The following VAMP7 variants were observed in gnomAD, a reference collection of about 807,000 sequenced individuals.
The protein encoded by VAMP7 is vesicle associated membrane protein 7.
In VAMP7, 14 loss-of-function variants were observed where a neutral mutation model predicts 29.6. The ratio of observed to expected loss-of-function variants is 0.47; its 90% CI spans 0.31 to 0.74. VAMP7 has a LOEUF of 0.74. Ranked by LOEUF, VAMP7 falls within the 30% of genes least tolerant of loss-of-function variation. VAMP7 has a pLI of 0.05. For missense variants in VAMP7, 223 were observed against 262.4 expected (o/e 0.85, Z 1.04); for synonymous variants, 95 against 88.1 (o/e 1.08, Z -0.44).
At chrX:155,921,255 C>G (rs2066392575) in intron 6 of VAMP7, among the ~76,000 whole-genome samples, 1 of 152,140 alleles carries the variant, frequency 6.6e-6, no homozygotes, top group African/African-American at 2.4e-5. Context: ...GGTAGAATAA[C>G]ATACGTGCAG....
chrX:155,900,153 TTC>T (rs956135430), intron 4 of VAMP7, among the ~76,000 whole-genome samples: 14 of 152,136 alleles, frequency 9.2e-5, no homozygotes, highest in African/African-American at 3.4e-4. Context: ...AACTACAGTC[TTC>T]TTTTTCTCCT....
intron 4 of VAMP7, among the ~76,000 whole-genome samples, chrX:155,899,455 G>C (rs1447624640): frequency 6.6e-6 from 1 of 151,614 alleles, no homozygotes; most frequent in Non-Finnish European, 1.5e-5. Context: ...ATTTTGTTGT[G>C]AGTTTAAAAA....
At chrX:155,903,525 C>A (rs1300487635) in intron 5 of VAMP7, among the ~76,000 whole-genome samples, 1 of 151,922 alleles carries the variant, frequency 6.6e-6, no homozygotes, top group Non-Finnish European at 1.5e-5. Context: ...AACAAACAAC[C>A]CCATCAAAAA....
chrX:155,911,429 G>A (rs1391510848), intron 5 of VAMP7, among the ~76,000 whole-genome samples: 1 of 151,946 alleles, frequency 6.6e-6, no homozygotes, highest in Non-Finnish European at 1.5e-5. Flanking sequence ...TTGGCTATTT[G>A]GACTCTTTTT....
chrX:155,907,263 A>C (rs909909561), intron 5 of VAMP7, among the ~76,000 whole-genome samples: 1 of 151,334 alleles, frequency 6.6e-6, no homozygotes, highest in African/African-American at 2.4e-5. Context: ...ATTTTCTTTT[A>C]TTTATTTATT....
At chrX:155,918,147 C>T (rs1389752926) in intron 5 of VAMP7, among the ~76,000 whole-genome samples, 15 of 152,202 alleles carry the variant, frequency 9.9e-5, no homozygotes, top group East Asian at 1.9e-4. Flanking sequence ...TAATGGCAGA[C>T]GCCCCTCCCT....
chrX:155,916,876 G>T (rs1327192527), intron 5 of VAMP7, among the ~76,000 whole-genome samples: 2 of 152,076 alleles, frequency 1.3e-5, no homozygotes, highest in East Asian at 3.9e-4. Flanking sequence ...GGTGTTCTCT[G>T]TATTTCCCAA....
At chrX:155,909,155 CTA>C (rs1267782518) in intron 5 of VAMP7, among the ~76,000 whole-genome samples, 9 of 152,108 alleles carry the variant, frequency 5.9e-5, no homozygotes. Flanking sequence ...GATTTAGTCT[CTA>C]TGCTTGCTGT....
At chrX:155,885,022 C>G (rs946080787) in intron 1 of VAMP7, among the ~76,000 whole-genome samples, 1 of 152,158 alleles carries the variant, frequency 6.6e-6, no homozygotes, top group Admixed American at 6.5e-5. Flanking sequence ...CTATCCATGA[C>G]ATTTACACTG....
chrX:155,925,724 G>T (rs1419271397), intron 6 of VAMP7, among the ~76,000 whole-genome samples: 1 of 152,200 alleles, frequency 6.6e-6, no homozygotes, highest in Non-Finnish European at 1.5e-5. Context: ...TTGAGTTTCT[G>T]ATGAGCCTCT....
At chrX:155,909,548 C>T (rs2066204688) in intron 5 of VAMP7, among the ~76,000 whole-genome samples, 1 of 152,076 alleles carries the variant, frequency 6.6e-6, no homozygotes, top group Admixed American at 6.6e-5. Context: ...TTTCTAGATC[C>T]ATAAGGTAGA....
chrX:155,895,696 A>T lies in VAMP7; in HGVS notation c.204+16A>T. ...CACTGATGATGTAAGTAACTTGAAG[A>T]CATATTGCTATTTAACTATGTGTAC... On this transcript the variant is annotated intron_variant, in intron 3 of 7. Coordinates refer to ENST00000286448, the MANE Select transcript of VAMP7 (RefSeq NM_005638.6). The T allele has an allele frequency of 6.2e-7, 1 of 1,603,382 alleles. No individual in the cohort carries two copies. The highest frequency in any genetic ancestry group is 1.1e-5 in the South Asian group (1 of 90,632).
intron 6 of VAMP7, among the ~76,000 whole-genome samples, chrX:155,925,766 CAG>C (rs1347444297): frequency 6.6e-6 from 1 of 152,126 alleles, no homozygotes; most frequent in Non-Finnish European, 1.5e-5. Context: ...GCATTTATCT[CAG>C]TGAGCAGAGG....
intron 6 of VAMP7, among the ~76,000 whole-genome samples, chrX:155,933,371 C>G (rs1321055111): frequency 6.6e-6 from 1 of 152,134 alleles, no homozygotes; most frequent in Non-Finnish European, 1.5e-5. Flanking sequence ...ATTATTGCCT[C>G]AATTTCAGAG....
In VAMP7 at chrX:155,889,586, T is replaced by C. The variant is rs562663216; in HGVS notation, c.120T>C (p.Asn40=). ...TTCTGGCTAAGATACCTTCTGAAAA[T>C]AACAAACTAACGTACTCACATGGCA... The part of the protein sequence containing the change: ...EQILAKIPSE[N]NKLTYSHGNY... Residue 40 remains asparagine, a synonymous_variant, in exon 2 of 8, where the codon AAT becomes AAC. Transcript: ENST00000286448. 8.7e-6 allele frequency: 14 copies of C among 1,613,832 alleles called. 2 individuals are homozygous for C. The highest frequency in any genetic ancestry group is 6.7e-5 in the African/African-American group (5 of 74,988).
intron 5 of VAMP7, 91 bp from the exon 6 acceptor site, chrX:155,919,722 G>T: frequency 1.8e-6 from 2 of 1,129,746 alleles, no homozygotes; most frequent in East Asian, 2.6e-5. Context: ...CCAGGACAGT[G>T]TATTCATTAA....
chrX:155,938,934 G>T (rs750777570), intron 6 of VAMP7, among the ~76,000 whole-genome samples: 6 of 152,316 alleles, frequency 3.9e-5, no homozygotes, highest in Middle Eastern at 3.4e-3. Flanking sequence ...ATTGTGAATT[G>T]TCATTACTGT....
chrX:155,942,103 G>A lies in VAMP7; in HGVS notation c.*152G>A, dbSNP rs760583658. Reference sequence around the variant, plus strand: ...TTAAAATCTTGTTCCATGCCTCCAGGTTTATCTTTGTCTTATCTACCAGTT... The same window carrying A: ...TTAAAATCTTGTTCCATGCCTCCAGATTTATCTTTGTCTTATCTACCAGTT... On this transcript the variant is annotated 3_prime_UTR_variant, in exon 8 of 8. Transcript: ENST00000286448. 4.5e-6 allele frequency: 7 copies of A among 1,553,978 alleles called. No homozygotes were observed. The African/African-American group carries it at 6.8e-5, about 15-fold the overall frequency.
intron 1 of VAMP7, among the ~76,000 whole-genome samples, chrX:155,884,146 A>C (rs1425748463): frequency 6.6e-6 from 1 of 151,332 alleles, no homozygotes; most frequent in Non-Finnish European, 1.5e-5. Context: ...TTTTCTTTTG[A>C]GACAGAGTTT....
Sources: gnomAD v4.1 joint callset for allele counts (sites outside exome capture counted in the v4.1 genomes callset) on GRCh38, gnomAD v4.1.1 for gene constraint, MANE v1.5 for transcripts, NCBI Gene and HGNC (gene_info 2026-07-23, HGNC 2026-07-21) for gene names.